The following NCKAP1L variants were observed in gnomAD, a reference collection of about 807,000 sequenced individuals.
The protein encoded by NCKAP1L is nck-associated protein 1-like.
Under a neutral mutation model 139.2 loss-of-function variants are expected in NCKAP1L, and 53 were observed. That is an observed-to-expected ratio of 0.38 (90% confidence interval 0.31 to 0.48). The LOEUF is 0.48. Among genes scored for constraint, NCKAP1L ranks in the 20% least tolerant of loss-of-function variants. NCKAP1L has a pLI of 0.98. For synonymous variants in NCKAP1L, 468 were observed against 499.7 expected (o/e 0.94, Z 0.85); for missense variants, 1,151 against 1,381.9 (o/e 0.83, Z 2.65).
At chr12:54,524,007 C>G (rs1342638325) in intron 20 of NCKAP1L, 51 bp downstream of exon 20, 1 of 1,575,440 alleles carries the variant, frequency 6.3e-7, no homozygotes, top group South Asian at 1.2e-5. Context: ...CATACCCTAC[C>G]ATATACCTCT....
Position 54,532,228 on chromosome 12 carries a change from T to G in NCKAP1L, c.2840T>G (p.Val947Gly), listed in dbSNP as rs376396257. ...CCCATTGAGTGCTTGAAGGAGTTTG[T>G]CACTCCAGACACAGACATCAAGGTA... ...MGPIECLKEFVTPDTDIKVTL... is the reference protein window; with the variant it reads ...MGPIECLKEFGTPDTDIKVTL... The change falls in exon 26 of 31, where the codon GTC becomes GGC. Residue 947 changes from valine to glycine, a missense_variant. By Grantham distance (109) the Val-to-Gly change is moderately radical. Transcript: ENST00000293373. 1.2e-6 allele frequency: 2 copies of G among 1,613,422 alleles called. No homozygotes were observed. The highest frequency in any genetic ancestry group is 2.7e-5 in the African/African-American group (2 of 74,848).
chr12:54,518,811 A>G, intron 14 of NCKAP1L, 79 bp downstream of exon 14: 2 of 1,518,400 alleles, frequency 1.3e-6, no homozygotes, highest in Non-Finnish European at 1.8e-6. Flanking sequence ...TCTTTGAGCC[A>G]GGAAGTAGGA....
chr12:54,518,772 G>C (rs1004137096), intron 14 of NCKAP1L, 40 bp downstream of exon 14: 1 of 1,562,028 alleles, frequency 6.4e-7, no homozygotes, highest in South Asian at 1.1e-5. Flanking sequence ...CATATGTGAG[G>C]ATGAACATCT....
At chr12:54,521,365 T>G in intron 18 of NCKAP1L, 127 bp downstream of exon 18, 2 of 1,296,100 alleles carry the variant, frequency 1.5e-6, no homozygotes, top group Non-Finnish European at 2.1e-6. Context: ...GGCTAGGGCC[T>G]TTCTGTACTT....
intron 3 of NCKAP1L, among the ~76,000 whole-genome samples, chr12:54,505,207 C>T (rs1322266210): frequency 6.6e-6 from 1 of 152,244 alleles, no homozygotes; most frequent in Non-Finnish European, 1.5e-5. Context: ...AGACGGGGCA[C>T]TGCCTGCACA....
rs1350486637 is a variant in NCKAP1L at position 54,545,790 on chromosome 12, A to G, written c.*3105A>G. On this transcript the variant is annotated 3_prime_UTR_variant, in exon 31 of 31. Transcript: ENST00000293373. ...AGTGTTTTTATTAACATCTCCATTAACTTGCTTGCAGCAATGAGATGGAAT... is the reference window on the plus strand; with the variant it reads ...AGTGTTTTTATTAACATCTCCATTAGCTTGCTTGCAGCAATGAGATGGAAT... 1 of 152,254 alleles carries G rather than the reference A, an allele frequency of 6.6e-6. No individual in the cohort carries two copies. The highest frequency in any genetic ancestry group is 1.5e-5 in the Non-Finnish European group (1 of 68,038). 9.4% of individuals were successfully genotyped at this position (152,254 alleles called of 1,614,324 possible).
At chr12:54,521,966 A>G (rs943734767) in intron 18 of NCKAP1L, among the ~76,000 whole-genome samples, 2 of 152,050 alleles carry the variant, frequency 1.3e-5, no homozygotes, top group African/African-American at 4.8e-5. Context: ...TTTCATATGC[A>G]AATTACATAC....
intron 1 of NCKAP1L, chr12:54,498,981 A>G (rs562895553): frequency 7.9e-5 from 20 of 253,318 alleles, no homozygotes; most frequent in Middle Eastern, 2.0e-3. Context: ...GCTGGAGTGC[A>G]GTGGCACGAT....
intron 3 of NCKAP1L, among the ~76,000 whole-genome samples, chr12:54,501,415 G>C (rs1256654586): frequency 1.3e-5 from 2 of 152,066 alleles, no homozygotes; most frequent in African/African-American, 2.4e-5. Context: ...TATGAACGTG[G>C]GTGTACAAAT....
intron 3 of NCKAP1L, among the ~76,000 whole-genome samples, chr12:54,506,260 C>G (rs1213666144): frequency 6.6e-6 from 1 of 152,122 alleles, no homozygotes; most frequent in Non-Finnish European, 1.5e-5. Flanking sequence ...GCTTCAGTTT[C>G]TCTATATTCT....
At chr12:54,506,797 ATAT>A (rs1344497012) in intron 3 of NCKAP1L, among the ~76,000 whole-genome samples, 35 of 11,256 alleles carry the variant, frequency 3.1e-3, no homozygotes, top group African/African-American at 8.8e-3. Context: ...AAAAAAAAAA[ATAT>A]ATATATATAT....
At chr12:54,529,682 T>C (rs1326376939) in intron 22 of NCKAP1L, among the ~76,000 whole-genome samples, 12 of 152,158 alleles carry the variant, frequency 7.9e-5, no homozygotes. Flanking sequence ...AGGCAGCCTC[T>C]AAAATCAGCT....
intron 26 of NCKAP1L, among the ~76,000 whole-genome samples, chr12:54,534,579 G>T (rs528824563): frequency 1.3e-5 from 2 of 152,242 alleles, no homozygotes; most frequent in South Asian, 4.1e-4. Context: ...AGATCTAAGG[G>T]ATGGACGTAA....
chr12:54,498,492 G>GGGC (rs1956769140), intron 1 of NCKAP1L, among the ~76,000 whole-genome samples: 1 of 151,602 alleles, frequency 6.6e-6, no homozygotes. Flanking sequence ...GCTAGGGGCT[G>GGGC]GGCAAACCAT....
intron 15 of NCKAP1L, 84 bp downstream of exon 15, chr12:54,519,056 C>G: frequency 1.3e-6 from 2 of 1,549,074 alleles, no homozygotes; most frequent in South Asian, 2.2e-5. Flanking sequence ...CCTAAATTTG[C>G]TTTATGGAGT....
intron 28 of NCKAP1L, 34 bp downstream of exon 28, chr12:54,536,279 A>C: frequency 1.4e-6 from 2 of 1,424,946 alleles, no homozygotes; most frequent in Non-Finnish European, 2.0e-6. Flanking sequence ...CACCAGTGCT[A>C]TTCAAGTTAG....
At position 54,516,917 on chromosome 12, in the gene NCKAP1L, G is replaced by C; in HGVS notation, c.1020G>C (p.Arg340=). The C allele has an allele frequency of 6.2e-7, 1 of 1,612,582 alleles. No individual in the cohort carries two copies. Among genetic ancestry groups the C allele is most frequent in the Non-Finnish European group, 8.5e-7 (1 of 1,179,092 alleles). ...TTAGTGGCCAGTTTCATTGTCAACGGCGGCAATTTCTGCGGATGGCAGTGA... is the reference window on the plus strand; with the variant it reads ...TTAGTGGCCAGTTTCATTGTCAACGCCGGCAATTTCTGCGGATGGCAGTGA... The part of the protein sequence containing the change: ...IANSGQFHCQ[R]RQFLRMAVKE... The change falls in exon 11 of 31, where the codon CGG becomes CGC. Residue 340 remains arginine, a synonymous_variant. Coordinates refer to ENST00000293373, the MANE Select transcript of NCKAP1L (RefSeq NM_005337.5).
intron 30 of NCKAP1L, among the ~76,000 whole-genome samples, chr12:54,540,461 G>A (rs1957148252): frequency 6.6e-6 from 1 of 152,156 alleles, no homozygotes; most frequent in African/African-American, 2.4e-5. Flanking sequence ...CATGGTGGTG[G>A]GCTATGTGGG....
intron 30 of NCKAP1L, among the ~76,000 whole-genome samples, 191 bp from the exon 31 acceptor site, chr12:54,542,384 A>T (rs1302861274): frequency 1.3e-5 from 2 of 152,116 alleles, no homozygotes; most frequent in Non-Finnish European, 2.9e-5. Flanking sequence ...GGTCAATGAT[A>T]ATGGAGCTGA....
Sources: allele counts gnomAD v4.1 joint callset (sites outside exome capture counted in the v4.1 genomes callset), GRCh38; gene constraint gnomAD v4.1.1; transcripts MANE v1.5; gene names NCBI Gene and HGNC (gene_info 2026-07-23, HGNC 2026-07-21).